NR0B1: variants seen among roughly 807,000 people sequenced by gnomAD.
The protein encoded by NR0B1 is nuclear receptor subfamily 0 group B member 1, also known as DSS-AHC critical region on the X chromosome protein 1.
NR0B1 carries 3 observed loss-of-function variants against 23.0 expected under a neutral mutation model. The observed-to-expected ratio is 0.13, with a 90% confidence interval of 0.06 to 0.34. NR0B1 has a LOEUF of 0.34. Among genes scored for constraint, NR0B1 ranks in the 10% least tolerant of loss-of-function variants. The pLI, the probability that NR0B1 is intolerant of heterozygous loss-of-function variation, is 1.00. For missense variants in NR0B1, 350 were observed against 402.9 expected (o/e 0.87, Z 1.12); for synonymous variants, 205 against 184.0 (o/e 1.11, Z -0.92).
chrX:30,307,468 G>C (rs1050056706), intron 1 of NR0B1, among the ~76,000 whole-genome samples: 3 of 111,293 alleles, frequency 2.7e-5, no homozygotes, highest in African/African-American at 9.8e-5. Flanking sequence ...GGTGGGGGGA[G>C]GCTACAGAGC....
At position 30,304,501 on chromosome X, in the gene NR0B1, T is replaced by G; in HGVS notation, c.*78A>C. On this transcript the variant is annotated 3_prime_UTR_variant, in exon 2 of 2. Transcript: ENST00000378970. ...TTAAGAAAGTTTATTTTAAAATATT[T>G]TACACTCTTTTGCCCACAGCTCTTT... The G allele has an allele frequency of 9.5e-7, 1 of 1,054,479 alleles. No homozygotes were observed. Among genetic ancestry groups the G allele is most frequent in the Non-Finnish European group, 1.3e-6 (1 of 759,156 alleles). 86.9% of individuals were successfully genotyped at this position (1,054,479 alleles called of 1,213,427 possible). A position where few individuals can be genotyped will look rare whatever the true frequency, so the allele number is the denominator to read the frequency against.
intron 1 of NR0B1, among the ~76,000 whole-genome samples, 192 bp from the exon 2 acceptor site, chrX:30,305,015 A>G (rs1174718538): frequency 8.9e-6 from 1 of 112,726 alleles, no homozygotes; most frequent in Non-Finnish European, 1.9e-5. Flanking sequence ...ATGTGATCTT[A>G]CTTAATATTT....
chrX:30,304,410 T>C lies in NR0B1; in HGVS notation c.*169A>G. Reference sequence around the variant, plus strand: ...CTTCTTTAACTATGGAACAGAGAAATTTGTGACTGTCTGGAATAAAATTAT... The same window carrying C: ...CTTCTTTAACTATGGAACAGAGAAACTTGTGACTGTCTGGAATAAAATTAT... On this transcript the variant is annotated 3_prime_UTR_variant, in exon 2 of 2. Coordinates refer to ENST00000378970, the MANE Select transcript of NR0B1 (RefSeq NM_000475.5). The C allele has an allele frequency of 1.8e-6, 1 of 547,544 alleles. No individual in the cohort carries two copies. The allele number at this position is 547,544 out of a possible 1,213,427, so 45.1% of individuals were successfully genotyped here.
rs371576376 is a variant in NR0B1, at chrX:30,308,302, G to A, written c.1062C>T (p.Ser354=). 1.7e-6 allele frequency: 2 copies of A among 1,210,582 alleles called. No individual in the cohort carries two copies. The highest frequency in any genetic ancestry group is 1.1e-6 in the Non-Finnish European group (1 of 894,102). The change falls in exon 1 of 2, where the codon TCC becomes TCT. Residue 354 remains serine (S), a synonymous_variant. Transcript: ENST00000378970. ...APPAEARKVP[S]ASQVQAIKCF... is the part of the protein sequence containing the mutation. The stretch of plus-strand genomic sequence containing the variant: ...ACTTGATGGCTTGGACCTGGGAGGC[G>A]GAGGGCACCTTCCTGGCCTCCGCCG...
At position 30,304,822 on chromosome X, in the gene NR0B1, G is replaced by T; in HGVS notation, c.1170C>A (p.Asp390Glu). 8.3e-7 allele frequency: 1 copy of T among 1,210,760 alleles called. No individual in the cohort carries two copies. The highest frequency in any genetic ancestry group is 1.1e-6 in the Non-Finnish European group (1 of 895,147). The change falls in exon 2 of 2, where the codon GAC (aspartate) becomes GAA (glutamate). Residue 390 changes from aspartate (D) to glutamate (E), a missense_variant and splice_region_variant. Coordinates refer to ENST00000378970, the MANE Select transcript of NR0B1 (RefSeq NM_000475.5). ...YLKGTVLFNP[D>E]VPGLQCVKYI... The stretch of plus-strand genomic sequence containing the variant: ...ACTTCACGCACTGCAGGCCCGGCAC[G>T]TCTGGAGGGAGAAAAATCTCTTTGT...
chrX:30,305,746 T>C (rs1263887127), intron 1 of NR0B1: 3 of 439,822 alleles, frequency 6.8e-6, no homozygotes, highest in South Asian at 4.0e-5. Context: ...TGATCTTCCA[T>C]GATGATAATA....
chrX:30,308,816 C>A lies in NR0B1; in HGVS notation c.548G>T (p.Gly183Val), dbSNP rs768076834. The change falls in exon 1 of 2, where the codon GGT becomes GTT. Residue 183 changes from glycine (G) to valine (V), a missense_variant. Physicochemically the swap from Gly to Val is moderately radical, Grantham distance 109. Coordinates refer to ENST00000378970, the MANE Select transcript of NR0B1 (RefSeq NM_000475.5). The stretch of plus-strand genomic sequence containing the variant: ...CCGCCCGCCTGGTAGCGCCTCTTTA[C>A]CCCCTGGCCTCTGCGCGAAGTAGGA... The part of the protein sequence containing the change: ...DRSYFAQRPG[G>V]KEALPGGRAT... 4.2e-6 allele frequency: 5 copies of A among 1,201,062 alleles called. No individual in the cohort carries two copies. Among genetic ancestry groups the A allele is most frequent in the Non-Finnish European group, 5.6e-6 (5 of 890,978 alleles).
chrX:30,305,357 A>C (rs1462653728), intron 1 of NR0B1, among the ~76,000 whole-genome samples: 1 of 112,355 alleles, frequency 8.9e-6, no homozygotes, highest in African/African-American at 3.2e-5. Flanking sequence ...CTGCAGGCCA[A>C]TATTAGTCTA....
In NR0B1 at chrX:30,304,347, A is replaced by T. The variant is rs2301131; in HGVS notation, c.*232T>A. 6.1e-3 allele frequency: 2,001 copies of T among 328,579 alleles called. 35 individuals carry two copies. In the South Asian group the frequency reaches 0.067, roughly 11 times the overall value. The allele number at this position is 328,579 out of a possible 1,213,427, so 27.1% of individuals were successfully genotyped here. A position where few individuals can be genotyped will look rare whatever the true frequency, so the allele number is the denominator to read the frequency against. ...ACTAGTACCCTGCTATTTTTTTTTTAAAAGATGTACAGAGCTATGCTACCT... is the reference window on the plus strand; with the variant it reads ...ACTAGTACCCTGCTATTTTTTTTTTTAAAGATGTACAGAGCTATGCTACCT... On this transcript the variant is annotated 3_prime_UTR_variant, in exon 2 of 2. Coordinates refer to ENST00000378970, the MANE Select transcript of NR0B1 (RefSeq NM_000475.5).
chrX:30,307,469 G>A (rs1242571723), intron 1 of NR0B1, among the ~76,000 whole-genome samples: 1 of 111,339 alleles, frequency 9.0e-6, no homozygotes, highest in Non-Finnish European at 1.9e-5. Flanking sequence ...GTGGGGGGAG[G>A]CTACAGAGCA....
intron 1 of NR0B1, among the ~76,000 whole-genome samples, chrX:30,306,164 C>T (rs1013464252): frequency 9.0e-6 from 1 of 111,268 alleles, no homozygotes; most frequent in African/African-American, 3.3e-5. Flanking sequence ...TGAAACTCCA[C>T]CAGAAATCTG....
At position 30,309,170 on chromosome X, in the gene NR0B1, C is replaced by A. The variant is rs1926600775; in HGVS notation, c.194G>T (p.Arg65Leu). ...GTGGTCTTTACCGCAAAAGCAGCAG[C>A]GGTACAGGAGCGCCACGTTCCGCCC... is the stretch of plus-strand genomic sequence containing the variant. ...LGGRNVALLY[R>L]CCFCGKDHPR... The change falls in exon 1 of 2, where the codon CGC (arginine) becomes CTC (leucine). Residue 65 changes from arginine (R) to leucine (L), a missense_variant. By Grantham distance (102) the Arg-to-Leu change is moderately radical (BLOSUM62 -2). Around this residue, in one of 2 missense-constraint regions of NR0B1, gnomAD observed 298 missense variants for 314.0 expected, o/e 0.95. Transcript: ENST00000378970. 4 of 1,198,644 alleles carry A rather than the reference C, an allele frequency of 3.3e-6. No individual in the cohort carries two copies. The highest frequency in any genetic ancestry group is 4.5e-6 in the Non-Finnish European group (4 of 890,314).
At chrX:30,306,577 ATGTG>A (rs58777171) in intron 1 of NR0B1, among the ~76,000 whole-genome samples, 2,269 of 92,300 alleles carry the variant, frequency 0.025, 72 homozygotes, top group African/African-American at 0.076. Context: ...ATAAGGAAGA[ATGTG>A]TGTGTGTGTG....
rs1926483030 is a variant in NR0B1 at position 30,304,456 on chromosome X, A to G, written c.*123T>C. The G allele has an allele frequency of 2.6e-6, 2 of 781,318 alleles. No homozygotes were observed. The highest frequency in any genetic ancestry group is 4.8e-5 in the South Asian group (2 of 41,384). The allele number at this position is 781,318 out of a possible 1,213,427, so 64.4% of individuals were successfully genotyped here. On this transcript the variant is annotated 3_prime_UTR_variant, in exon 2 of 2. Coordinates refer to ENST00000378970, the MANE Select transcript of NR0B1 (RefSeq NM_000475.5). ...ATTATTTCTTTAATTGAATACAAAA[A>G]TACTCTGCATGTAAAAATATTAAGA... is the stretch of plus-strand genomic sequence containing the variant.
intron 1 of NR0B1, among the ~76,000 whole-genome samples, chrX:30,305,430 T>C (rs1407478457): frequency 8.9e-6 from 1 of 111,973 alleles, no homozygotes; most frequent in East Asian, 2.8e-4. Flanking sequence ...GATTTCTGTA[T>C]TGGGGAAGAT....
chrX:30,306,014 A>G (rs184977509), intron 1 of NR0B1, among the ~76,000 whole-genome samples: 16 of 111,741 alleles, frequency 1.4e-4, no homozygotes. Context: ...AAATAAAGCA[A>G]CCATTTTAAT....
chrX:30,304,827 G>A lies in NR0B1; in HGVS notation c.1169-4C>T. 1 of 1,210,639 alleles carries A rather than the reference G, an allele frequency of 8.3e-7. No individual in the cohort carries two copies. Among genetic ancestry groups the A allele is most frequent in the South Asian group, 1.8e-5 (1 of 56,843 alleles). On this transcript the variant is annotated splice_polypyrimidine_tract_variant and splice_region_variant and intron_variant, in intron 1 of 1. Transcript: ENST00000378970. Reference sequence around the variant, plus strand: ...ACGCACTGCAGGCCCGGCACGTCTGGAGGGAGAAAAATCTCTTTGTTATAA... The same window carrying A: ...ACGCACTGCAGGCCCGGCACGTCTGAAGGGAGAAAAATCTCTTTGTTATAA...
Position 30,308,746 on chromosome X carries a change from G to A in NR0B1, c.618C>T (p.His206=). ...LYRCCFCGED[H]PQQGSTLYCV... is the part of the protein sequence containing the mutation. ...AGTAGAGGGTGCTGCCCTGCTGCGG[G>A]TGGTCTTCACCGCAAAAGCAGCAGC... Residue 206 remains histidine (H), a synonymous_variant, in exon 1 of 2, where the codon CAC becomes CAT. Coordinates refer to ENST00000378970, the MANE Select transcript of NR0B1 (RefSeq NM_000475.5). 8.4e-7 allele frequency: 1 copy of A among 1,197,423 alleles called. No individual in the cohort carries two copies. Among genetic ancestry groups the A allele is most frequent in the Non-Finnish European group, 1.1e-6 (1 of 888,722 alleles).
rs761749382 is a variant in NR0B1, at chrX:30,308,819, C to G, written c.545G>C (p.Gly182Ala). Reference sequence around the variant, plus strand: ...CCCGCCTGGTAGCGCCTCTTTACCCCCTGGCCTCTGCGCGAAGTAGGAGCG... The same window carrying G: ...CCCGCCTGGTAGCGCCTCTTTACCCGCTGGCCTCTGCGCGAAGTAGGAGCG... ...WDRSYFAQRPGGKEALPGGRA... is the reference protein window; with the variant it reads ...WDRSYFAQRPAGKEALPGGRA... Residue 182 changes from glycine to alanine, a missense_variant, in exon 1 of 2, where the codon GGG (glycine) becomes GCG (alanine). By Grantham distance (60) the Gly-to-Ala change is moderately conservative. Coordinates refer to ENST00000378970, the MANE Select transcript of NR0B1 (RefSeq NM_000475.5). The G allele has an allele frequency of 1.5e-4, 175 of 1,197,010 alleles. No homozygotes were observed. Among genetic ancestry groups the G allele is most frequent in the Non-Finnish European group, 1.8e-4 (160 of 889,968 alleles).
Sources: allele counts gnomAD v4.1 joint callset (sites outside exome capture counted in the v4.1 genomes callset), GRCh38; gene constraint gnomAD v4.1.1; regional missense constraint gnomAD v4.1.1; transcripts MANE v1.5; gene names NCBI Gene and HGNC (gene_info 2026-07-23, HGNC 2026-07-21).